Variants in DNAH5 observed in about 807,000 individuals in gnomAD.
The protein encoded by DNAH5 is dynein axonemal heavy chain 5.
DNAH5 carries 372 observed loss-of-function variants against 518.2 expected under a neutral mutation model. The ratio of observed to expected loss-of-function variants is 0.72; its 90% CI spans 0.66 to 0.78. The LOEUF is 0.78. Ranked by LOEUF, DNAH5 falls within the 30% of genes least tolerant of loss-of-function variation. The pLI is 0.00. For synonymous variants in DNAH5, 2,039 were observed against 2,025.9 expected (o/e 1.01, Z -0.17); for missense variants, 5,523 against 5,687.0 (o/e 0.97, Z 0.93).
At chr5:13,941,736 C>T (rs1779479591) in intron 1 of DNAH5, among the ~76,000 whole-genome samples, 2 of 152,188 alleles carry the variant, frequency 1.3e-5, no homozygotes, top group Non-Finnish European at 2.9e-5. Context: ...CAGAGAAAAC[C>T]TGCAGCAATC....
intron 65 of DNAH5, among the ~76,000 whole-genome samples, chr5:13,741,262 G>GT (rs1748489886): frequency 6.6e-6 from 1 of 152,152 alleles, no homozygotes; most frequent in Non-Finnish European, 1.5e-5. Flanking sequence ...GTTATAGTTG[G>GT]TAAGACCCCA....
intron 31 of DNAH5, among the ~76,000 whole-genome samples, chr5:13,849,486 G>T (rs1766516065): frequency 6.6e-6 from 1 of 152,138 alleles, no homozygotes; most frequent in South Asian, 2.1e-4. Flanking sequence ...TTACCAATTT[G>T]AGGACAACAA....
chr5:13,924,714 CT>C (rs1367671603), intron 3 of DNAH5, among the ~76,000 whole-genome samples: 1 of 151,792 alleles, frequency 6.6e-6, no homozygotes. Context: ...AACTTAGCAT[CT>C]GAAATTGTTG....
intron 1 of DNAH5, among the ~76,000 whole-genome samples, chr5:13,954,005 G>A (rs1052488626): frequency 2.0e-5 from 3 of 152,122 alleles, no homozygotes; most frequent in Admixed American, 2.0e-4. Context: ...GCCACGCCCG[G>A]CCAGTTCCTG....
At chr5:13,858,570 A>T (rs968360712) in intron 30 of DNAH5, among the ~76,000 whole-genome samples, 35 of 232 alleles carry the variant, frequency 0.15, no homozygotes, top group South Asian at 0.25. Flanking sequence ...ATATAATTTA[A>T]AAAAAAAATC....
chr5:13,888,613 G>A (rs1014481208), intron 17 of DNAH5, among the ~76,000 whole-genome samples: 3 of 152,102 alleles, frequency 2.0e-5, no homozygotes, highest in South Asian at 2.1e-4. Context: ...AACTCAAATT[G>A]GGTTCCACGA....
chr5:13,762,308 C>A (rs917340993), intron 60 of DNAH5, among the ~76,000 whole-genome samples: 3 of 151,952 alleles, frequency 2.0e-5, no homozygotes, highest in Non-Finnish European at 4.4e-5. Context: ...CTAAGACCAG[C>A]TTTCAGCATG....
At position 13,752,308 on chromosome 5, in the gene DNAH5, G is replaced by T; in HGVS notation, c.10873-19C>A. The T allele has an allele frequency of 6.2e-7, 1 of 1,613,742 alleles. No homozygotes were observed. ...ACGTGATCTAGGAACAGGATCACAA[G>T]GTTGCTATTGGCAGACATTACCATG... On this transcript the variant is annotated intron_variant, in intron 63 of 78. Transcript: ENST00000265104.
chr5:13,937,931 C>T (rs2152019981), intron 1 of DNAH5, among the ~76,000 whole-genome samples: 1 of 152,274 alleles, frequency 6.6e-6, no homozygotes, highest in East Asian at 1.9e-4. Flanking sequence ...CTATGAATTA[C>T]AGCCATTCTC....
chr5:13,904,651 C>G (rs1168607408), intron 12 of DNAH5, among the ~76,000 whole-genome samples: 1 of 151,958 alleles, frequency 6.6e-6, no homozygotes, highest in East Asian at 1.9e-4. Flanking sequence ...TGGCTCACAC[C>G]TTTAATCCCA....
At chr5:13,977,540 A>T (rs1222314259) in intron 1 of DNAH5, among the ~76,000 whole-genome samples, 1 of 151,928 alleles carries the variant, frequency 6.6e-6, no homozygotes, top group Non-Finnish European at 1.5e-5. Flanking sequence ...GACCTTCCTA[A>T]CTTTCCTCCC....
Position 13,762,809 on chromosome 5 carries a change from G to T in DNAH5, c.10194C>A (p.Arg3398=). 6.2e-7 allele frequency: 1 copy of T among 1,614,006 alleles called. No homozygotes were observed. Among genetic ancestry groups the T allele is most frequent in the Non-Finnish European group, 8.5e-7 (1 of 1,179,866 alleles). The change falls in exon 60 of 79, where the codon CGC becomes CGA. Residue 3398 remains arginine (R), a synonymous_variant. Coordinates refer to ENST00000265104, the MANE Select transcript of DNAH5 (RefSeq NM_001369.3). ...AAAGACCAGCTACATTTCCACATAC[G>T]CGTTTAGCAGTTTCGATGTTATAGT... The part of the protein sequence containing the change: ...MPDYNIETAK[R]VCGNVAGLCS...
intron 21 of DNAH5, among the ~76,000 whole-genome samples, chr5:13,882,296 A>T (rs1389142653): frequency 1.3e-5 from 2 of 151,994 alleles, no homozygotes; most frequent in Admixed American, 6.6e-5. Context: ...ATACTTCCAA[A>T]CTCATTTTAC....
At chr5:13,806,774 C>A (rs1759662916) in intron 47 of DNAH5, among the ~76,000 whole-genome samples, 1 of 152,114 alleles carries the variant, frequency 6.6e-6, no homozygotes, top group Admixed American at 6.5e-5. Context: ...CACTGCAAAT[C>A]TAGGTCATTC....
chr5:13,846,486 G>A (rs1766024573), intron 31 of DNAH5, among the ~76,000 whole-genome samples: 1 of 152,156 alleles, frequency 6.6e-6, no homozygotes, highest in African/African-American at 2.4e-5. Flanking sequence ...CATGCGTGCG[G>A]AGTGCTGGAC....
chr5:13,858,191 G>A (rs1008255896), intron 30 of DNAH5, among the ~76,000 whole-genome samples: 2 of 152,136 alleles, frequency 1.3e-5, no homozygotes, highest in African/African-American at 4.8e-5. Context: ...ATGTTATACT[G>A]GATAAAGAAA....
rs1466415649 is a variant in DNAH5, at chr5:13,753,272, C to T, written c.10833G>A (p.Lys3611=). The T allele has an allele frequency of 6.2e-6, 10 of 1,613,916 alleles. No homozygotes were observed. Among genetic ancestry groups the T allele is most frequent in the Non-Finnish European group, 6.8e-6 (8 of 1,179,906 alleles). The part of the protein sequence containing the change: ...PLLIDPQTQG[K]IWIKNKESRN... ...GGCTTTCTTTATTTTTAATCCAGAT[C>T]TTGCCTTGAGTCTGTGGATCAATTA... The change falls in exon 63 of 79, where the codon AAG becomes AAA. Residue 3611 remains lysine, a synonymous_variant. Coordinates refer to ENST00000265104, the MANE Select transcript of DNAH5 (RefSeq NM_001369.3).
rs1766733829 is a variant in DNAH5, at chr5:13,850,821, A to G, written c.4951-6T>C. The G allele has an allele frequency of 3.1e-6, 5 of 1,613,932 alleles. No individual in the cohort carries two copies. The African/African-American group carries it at 6.7e-5, about 22-fold the overall frequency. ...TTAGAAAACCGCTTGGCTTCCTATG[A>G]GAACAAGGTAACAAAGCACACTTAG... On this transcript the variant is annotated splice_polypyrimidine_tract_variant and splice_region_variant and intron_variant, in intron 30 of 78. Coordinates refer to ENST00000265104, the MANE Select transcript of DNAH5 (RefSeq NM_001369.3).
intron 1 of DNAH5, among the ~76,000 whole-genome samples, chr5:13,957,398 A>C (rs1424241252): frequency 6.6e-6 from 1 of 152,224 alleles, no homozygotes; most frequent in African/African-American, 2.4e-5. Flanking sequence ...TTTACAAAGA[A>C]GACAGAACAG....
Sources: allele counts gnomAD v4.1 joint callset (sites outside exome capture counted in the v4.1 genomes callset), GRCh38; gene constraint gnomAD v4.1.1; transcripts MANE v1.5; gene names NCBI Gene and HGNC (gene_info 2026-07-23, HGNC 2026-07-21).